Variants in DIAPH3 observed in about 807,000 individuals in gnomAD.
DIAPH3 encodes the protein diaphanous related formin 3.
Under a neutral mutation model 144.3 loss-of-function variants are expected in DIAPH3, and 117 were observed. The observed-to-expected ratio is 0.81, with a 90% confidence interval of 0.70 to 0.95. The LOEUF is 0.95. Ranked by LOEUF, DIAPH3 falls within the 40% of genes least tolerant of loss-of-function variation. DIAPH3 has a pLI of 0.00. For missense variants in DIAPH3, 1,421 were observed against 1,412.7 expected, an observed-to-expected ratio of 1.01 and a Z score of -0.09; for synonymous variants, 519 against 488.9, an observed-to-expected ratio of 1.06 and a Z score of -0.81.
At chr13:59,988,491 G>A (rs774506280) in intron 12 of DIAPH3, among the ~76,000 whole-genome samples, 1 of 151,760 alleles carries the variant, frequency 6.6e-6, no homozygotes, top group Non-Finnish European at 1.5e-5. Flanking sequence ...GTCCAATTAT[G>A]AGTTCATCTA....
intron 20 of DIAPH3, among the ~76,000 whole-genome samples, chr13:59,888,923 T>G (rs1201445598): frequency 6.6e-6 from 1 of 152,108 alleles, no homozygotes; most frequent in Non-Finnish European, 1.5e-5. Flanking sequence ...TAAACTCTTC[T>G]GTTGACTTCT....
At chr13:59,950,564 T>G (rs962621778) in intron 17 of DIAPH3, among the ~76,000 whole-genome samples, 3 of 152,114 alleles carry the variant, frequency 2.0e-5, no homozygotes, top group African/African-American at 7.2e-5. Flanking sequence ...AAGGGCACTG[T>G]GGGGTTGAAT....
rs1271961532 is a variant in DIAPH3, at chr13:60,163,718, C to G, written c.49G>C (p.Ala17Pro). 6.2e-7 allele frequency: 1 copy of G among 1,607,314 alleles called. No homozygotes were observed. The highest frequency in any genetic ancestry group is 8.5e-7 in the Non-Finnish European group (1 of 1,176,460). The change falls in exon 1 of 28, where the codon GCT becomes CCT. Residue 17 changes from alanine to proline, a missense_variant. Physicochemically the swap from Ala to Pro is conservative, Grantham distance 27. Transcript: ENST00000400324. The part of the protein sequence containing the change: ...RLHHPAQGSA[A>P]GTPYPSSASL... Reference sequence around the variant, plus strand: ...GCTGAGGAAGGGTAGGGAGTCCCAGCGGCTGAGCCTTGGGCCGGGTGGTGC... The same window carrying G: ...GCTGAGGAAGGGTAGGGAGTCCCAGGGGCTGAGCCTTGGGCCGGGTGGTGC...
intron 14 of DIAPH3, among the ~76,000 whole-genome samples, chr13:59,979,490 C>A (rs2050867014): frequency 6.6e-6 from 1 of 151,544 alleles, no homozygotes; most frequent in Non-Finnish European, 1.5e-5. Context: ...GTTTCCCCCA[C>A]TAAACTAAGT....
At chr13:60,111,888 C>A in intron 3 of DIAPH3, 122 bp downstream of exon 3, 1 of 948,130 alleles carries the variant, frequency 1.1e-6, no homozygotes, top group South Asian at 1.5e-5. Context: ...GAAGTGCTAT[C>A]TTAAGTGACA....
chr13:60,029,676 C>T (rs1594413779), intron 5 of DIAPH3, among the ~76,000 whole-genome samples: 1 of 152,178 alleles, frequency 6.6e-6, no homozygotes, highest in South Asian at 2.1e-4. Context: ...CCTGAGGCCT[C>T]CCCAGTAAAG....
At chr13:60,012,676 T>A (rs192166658) in intron 7 of DIAPH3, 2 of 152,730 alleles carry the variant, frequency 1.3e-5, no homozygotes, top group Admixed American at 6.5e-5. Flanking sequence ...CCTTCTAGAA[T>A]CAGAATCCTG....
chr13:59,792,400 A>G (rs750402494), intron 25 of DIAPH3, among the ~76,000 whole-genome samples: 18 of 152,194 alleles, frequency 1.2e-4, no homozygotes, highest in Non-Finnish European at 2.6e-4. Flanking sequence ...TAAACTGTCA[A>G]TTGAGTCAGT....
intron 27 of DIAPH3, among the ~76,000 whole-genome samples, chr13:59,737,630 T>A (rs969296081): frequency 1.3e-5 from 2 of 152,176 alleles, no homozygotes; most frequent in African/African-American, 4.8e-5. Context: ...TTGATGTAAA[T>A]CTTGATTTAG....
chr13:60,002,360 T>TA (rs1430721653), intron 9 of DIAPH3, among the ~76,000 whole-genome samples: 1 of 152,164 alleles, frequency 6.6e-6, no homozygotes, highest in Non-Finnish European at 1.5e-5. Flanking sequence ...TTGCTGCCCA[T>TA]AATATAAAAG....
At chr13:59,832,101 T>C (rs113824712) in intron 24 of DIAPH3, among the ~76,000 whole-genome samples, 3 of 151,828 alleles carry the variant, frequency 2.0e-5, no homozygotes, top group African/African-American at 7.2e-5. Flanking sequence ...AAATAATATA[T>C]TGCAAAGTAT....
intron 7 of DIAPH3, among the ~76,000 whole-genome samples, chr13:60,015,324 T>G (rs1273307634): frequency 6.6e-6 from 1 of 152,170 alleles, no homozygotes; most frequent in East Asian, 1.9e-4. Flanking sequence ...TCTTTAACTA[T>G]GCAAATTCCT....
At chr13:59,698,067 C>T (rs1469321964) in intron 27 of DIAPH3, among the ~76,000 whole-genome samples, 1 of 152,060 alleles carries the variant, frequency 6.6e-6, no homozygotes, top group Non-Finnish European at 1.5e-5. Context: ...ACAAGAAAGT[C>T]CAATAAAATG....
At chr13:59,709,718 C>T (rs1422329631) in intron 27 of DIAPH3, among the ~76,000 whole-genome samples, 1 of 152,116 alleles carries the variant, frequency 6.6e-6, no homozygotes, top group Admixed American at 6.6e-5. Context: ...CTAGAAATAC[C>T]ATTTGACCCA....
chr13:59,729,835 AG>A (rs1284148677), intron 27 of DIAPH3, among the ~76,000 whole-genome samples: 1 of 94,436 alleles, frequency 1.1e-5, no homozygotes, highest in Non-Finnish European at 1.9e-5. Flanking sequence ...TTTTTGAGAT[AG>A]GGTCTTGCTC....
At chr13:60,094,780 T>C (rs1206592785) in intron 3 of DIAPH3, among the ~76,000 whole-genome samples, 2 of 152,174 alleles carry the variant, frequency 1.3e-5, no homozygotes, top group Non-Finnish European at 2.9e-5. Context: ...TTCGAGCACT[T>C]AAAAGTCAAA....
chr13:60,098,828 T>C (rs1227034600), intron 3 of DIAPH3, among the ~76,000 whole-genome samples: 2 of 152,136 alleles, frequency 1.3e-5, no homozygotes, highest in African/African-American at 2.4e-5. Context: ...TATGCTGATA[T>C]ATGTACGTAT....
At chr13:59,912,704 AATT>A (rs2047052173) in intron 19 of DIAPH3, among the ~76,000 whole-genome samples, 1 of 152,324 alleles carries the variant, frequency 6.6e-6, no homozygotes, top group Admixed American at 6.5e-5. Flanking sequence ...CACAATTCCA[AATT>A]ACAGCATGAG....
intron 20 of DIAPH3, among the ~76,000 whole-genome samples, chr13:59,906,901 AAC>A (rs766745546): frequency 6.6e-6 from 1 of 152,226 alleles, no homozygotes; most frequent in African/African-American, 2.4e-5. Flanking sequence ...TGCCACTGTG[AAC>A]ACAGTGATTT....
Sources: allele counts gnomAD v4.1 joint callset (sites outside exome capture counted in the v4.1 genomes callset), GRCh38; gene constraint gnomAD v4.1.1; transcripts MANE v1.5; gene names NCBI Gene and HGNC (gene_info 2026-07-23, HGNC 2026-07-21).